Variants in MACROD2 observed in about 807,000 individuals in gnomAD.
The protein encoded by MACROD2 is mono-ADP ribosylhydrolase 2.
Under a neutral mutation model 70.4 loss-of-function variants are expected in MACROD2, and 36 were observed. The observed-to-expected ratio is 0.51, with a 90% confidence interval of 0.39 to 0.68. The LOEUF is 0.68. Among genes scored for constraint, MACROD2 ranks in the 30% least tolerant of loss-of-function variants. MACROD2 has a pLI of 0.00. For missense variants in MACROD2, 496 were observed against 538.4 expected (o/e 0.92, Z 0.78); for synonymous variants, 172 against 178.8 (o/e 0.96, Z 0.30).
chr20:14,067,123 G>GTTTTTTTTTTTTTTTT (rs544348706), intron 2 of MACROD2, among the ~76,000 whole-genome samples: 3 of 85,050 alleles, frequency 3.5e-5, no homozygotes, highest in African/African-American at 4.7e-5. Context: ...ATTTTTTAGT[G>GTTTTTTTTTTTTTTTT]TTTTTTTTTT....
chr20:14,569,056 C>CA (rs1380692085), intron 4 of MACROD2, among the ~76,000 whole-genome samples: 2 of 151,690 alleles, frequency 1.3e-5, no homozygotes, highest in African/African-American at 2.4e-5. Flanking sequence ...TGTTTTGCTT[C>CA]AAAAAAACAA....
At chr20:14,478,830 A>G (rs2084628386) in intron 3 of MACROD2, among the ~76,000 whole-genome samples, 1 of 152,000 alleles carries the variant, frequency 6.6e-6, no homozygotes, top group African/African-American at 2.4e-5. Flanking sequence ...ATTTTCCAAG[A>G]TTTTTTGGTC....
chr20:15,103,548 C>G (rs946826319), intron 5 of MACROD2, among the ~76,000 whole-genome samples: 1 of 152,108 alleles, frequency 6.6e-6, no homozygotes, highest in African/African-American at 2.4e-5. Flanking sequence ...GAAGAAAATT[C>G]TGTTGGACCA....
intron 4 of MACROD2, among the ~76,000 whole-genome samples, chr20:14,496,676 T>C (rs1160233565): frequency 6.6e-6 from 1 of 151,916 alleles, no homozygotes; most frequent in Non-Finnish European, 1.5e-5. Flanking sequence ...CAGTTAAAAT[T>C]TGATAACTTT....
chr20:15,031,343 G>T (rs2075272871), intron 5 of MACROD2, among the ~76,000 whole-genome samples: 1 of 152,210 alleles, frequency 6.6e-6, no homozygotes, highest in South Asian at 2.1e-4. Context: ...CAAGCGAGGG[G>T]TTGTGTTTCA....
At chr20:14,351,366 T>G (rs2083121747) in intron 3 of MACROD2, among the ~76,000 whole-genome samples, 1 of 152,184 alleles carries the variant, frequency 6.6e-6, no homozygotes, top group Admixed American at 6.5e-5. Flanking sequence ...TATTGATTAT[T>G]TCACTCCATG....
intron 3 of MACROD2, among the ~76,000 whole-genome samples, chr20:14,464,017 A>G (rs1472173905): frequency 6.6e-6 from 1 of 151,982 alleles, no homozygotes. Flanking sequence ...TGTCTCTGCC[A>G]GGCTTTGGTA....
At position 15,971,771 on chromosome 20, in the gene MACROD2, A is replaced by G. The variant is rs186702517; in HGVS notation, c.985+4141A>G. Among the ~76,000 whole-genome samples, 22 of 152,296 alleles carry G rather than the reference A, an allele frequency of 1.4e-4. No individual in the cohort carries two copies. In the East Asian group the frequency reaches 3.7e-3, roughly 25 times the overall value. On this transcript the variant is annotated intron_variant, in intron 13 of 17. Coordinates refer to ENST00000684519, the MANE Select transcript of MACROD2 (RefSeq NM_001351661.2). Reference sequence around the variant, plus strand: ...AACTGTCCTTTATCTTTGACCCAGAAGTCTTTGTCTTCTGTCAGCATCCAT... The same window carrying G: ...AACTGTCCTTTATCTTTGACCCAGAGGTCTTTGTCTTCTGTCAGCATCCAT...
intron 5 of MACROD2, among the ~76,000 whole-genome samples, chr20:14,821,532 G>A (rs1421222999): frequency 1.3e-5 from 2 of 152,074 alleles, no homozygotes; most frequent in African/African-American, 4.8e-5. Flanking sequence ...TCAATGTGCA[G>A]TCAAGGCTGA....
At chr20:14,859,533 C>T (rs1043093047) in intron 5 of MACROD2, among the ~76,000 whole-genome samples, 1 of 152,082 alleles carries the variant, frequency 6.6e-6, no homozygotes, top group Non-Finnish European at 1.5e-5. Flanking sequence ...ATTCAATATT[C>T]CAAAAGATAA....
At chr20:14,074,482 G>A (rs2053891648) in intron 2 of MACROD2, among the ~76,000 whole-genome samples, 1 of 152,166 alleles carries the variant, frequency 6.6e-6, no homozygotes, top group South Asian at 2.1e-4. Context: ...GTTCACTGAA[G>A]CATGGTAGGA....
At position 16,006,192 on chromosome 20, in the gene MACROD2, GGGACTCTATTT is replaced by G. The variant is rs572798401; in HGVS notation, c.1153+19039_1153+19049del. On this transcript the variant is annotated intron_variant, in intron 15 of 17. Coordinates refer to ENST00000684519, the MANE Select transcript of MACROD2 (RefSeq NM_001351661.2). ...ATATTCATGAGGCCTCCAGGGCTTT[GGGACTCTATTT>G]GGACCATTATTGAGTAGGTGGGATA... Among the ~76,000 whole-genome samples the G allele has an allele frequency of 1.3e-3, 202 of 152,220 alleles. 1 individual carries two copies. The highest frequency in any genetic ancestry group is 2.4e-3 in the Non-Finnish European group (166 of 68,010).
intron 4 of MACROD2, 199 bp downstream of exon 4, chr20:14,493,707 A>G (rs13037982): frequency 0.21 from 86,421 of 411,774 alleles, 9,304 homozygotes; most frequent in Non-Finnish European, 0.25. Context: ...ACTTCGAGAT[A>G]TATACAGTAC....
intron 5 of MACROD2, among the ~76,000 whole-genome samples, chr20:14,727,028 G>A (rs1474310038): frequency 6.6e-6 from 1 of 152,006 alleles, no homozygotes; most frequent in Non-Finnish European, 1.5e-5. Flanking sequence ...AAACCATATG[G>A]TGACTAATTT....
intron 4 of MACROD2, among the ~76,000 whole-genome samples, chr20:14,539,688 G>T (rs1230350169): frequency 6.6e-6 from 1 of 152,206 alleles, no homozygotes; most frequent in South Asian, 2.1e-4. Flanking sequence ...CAACGTATGT[G>T]CCATAAATCC....
chr20:15,431,572 C>T, intron 7 of MACROD2, 137 bp downstream of exon 7: 1 of 755,382 alleles, frequency 1.3e-6, no homozygotes, highest in Non-Finnish European at 2.2e-6. Flanking sequence ...CGTCAAATCC[C>T]ATTAAAGAAT....
chr20:15,815,007 C>T (rs77913569), intron 8 of MACROD2, among the ~76,000 whole-genome samples: 2,474 of 152,270 alleles, frequency 0.016, 58 homozygotes, highest in African/African-American at 0.056. Context: ...AATCCACCTG[C>T]TTACACAGGT....
intron 4 of MACROD2, among the ~76,000 whole-genome samples, chr20:14,679,805 G>A (rs77083634): frequency 0.037 from 5,561 of 151,902 alleles, 343 homozygotes; most frequent in African/African-American, 0.13. Context: ...TTGAAAGTGT[G>A]GTATGTAGTT....
At chr20:14,077,954 G>C (rs1196592257) in intron 2 of MACROD2, among the ~76,000 whole-genome samples, 1 of 147,820 alleles carries the variant, frequency 6.8e-6, no homozygotes, top group East Asian at 2.0e-4. Context: ...CCAGGCTAGA[G>C]TGCAATGGTG....
Sources: allele counts gnomAD v4.1 joint callset (sites outside exome capture counted in the v4.1 genomes callset), GRCh38; gene constraint gnomAD v4.1.1; transcripts MANE v1.5; gene names NCBI Gene and HGNC (gene_info 2026-07-23, HGNC 2026-07-21).